Variants in GRM1 observed in about 807,000 individuals in gnomAD.
The protein encoded by GRM1 is metabotropic glutamate receptor 1.
In GRM1, 33 loss-of-function variants were observed where a neutral mutation model predicts 90.9. The observed-to-expected ratio is 0.36, with a 90% CI of 0.28 to 0.49. GRM1 has a LOEUF of 0.49. GRM1 is among the 20% of genes least tolerant of loss of function. The pLI is 0.99. For synonymous variants in GRM1, 700 were observed against 613.2 expected (o/e 1.14, Z -2.09); for missense variants, 1,190 against 1,534.3 (o/e 0.78, Z 3.75).
At chr6:146,410,636 C>T (rs1431700043) in intron 7 of GRM1, among the ~76,000 whole-genome samples, 1 of 151,934 alleles carries the variant, frequency 6.6e-6, no homozygotes, top group Non-Finnish European at 1.5e-5. Flanking sequence ...GGAAGGTCTA[C>T]GAAGCTCTAT....
At chr6:146,407,704 G>A (rs1466779065) in intron 7 of GRM1, among the ~76,000 whole-genome samples, 1 of 152,154 alleles carries the variant, frequency 6.6e-6, no homozygotes, top group Non-Finnish European at 1.5e-5. Context: ...ATTTTTATAA[G>A]AGGAGTAAAT....
At chr6:146,385,764 GA>G (rs1776478650) in intron 5 of GRM1, among the ~76,000 whole-genome samples, 1 of 151,952 alleles carries the variant, frequency 6.6e-6, no homozygotes. Flanking sequence ...TAAATATGTG[GA>G]AGTAAAATGT....
chr6:146,313,108 G>T (rs1294989117), intron 3 of GRM1, among the ~76,000 whole-genome samples: 1 of 152,102 alleles, frequency 6.6e-6, no homozygotes, highest in Non-Finnish European at 1.5e-5. Flanking sequence ...CAGACTTGAG[G>T]TATAAAAATG....
chr6:146,221,248 T>G (rs1234422576), intron 2 of GRM1, among the ~76,000 whole-genome samples: 1 of 152,132 alleles, frequency 6.6e-6, no homozygotes, highest in Non-Finnish European at 1.5e-5. Context: ...ACGTGCAGGT[T>G]TGTAACATAG....
intron 2 of GRM1, among the ~76,000 whole-genome samples, chr6:146,204,903 T>C (rs760605772): frequency 1.3e-5 from 2 of 152,248 alleles, no homozygotes; most frequent in Non-Finnish European, 2.9e-5. Context: ...ATTCATGTAA[T>C]GCTTTAAGAT....
At position 146,070,913 on chromosome 6, in the gene GRM1, G is replaced by T. The variant is rs536559967; in HGVS notation, c.700+40696G>T. Among the ~76,000 whole-genome samples, 6 of 152,198 alleles carry T rather than the reference G, an allele frequency of 3.9e-5. No homozygotes were observed. The East Asian group carries it at 1.2e-3, about 29-fold the overall frequency. On this transcript the variant is annotated intron_variant, in intron 1 of 7. Coordinates refer to ENST00000282753, the MANE Select transcript of GRM1 (RefSeq NM_001278064.2). ...ACACTTCACTGAAACACAATAACTTGTAGTAATTAAAGTACTACAAGGCAG... is the reference window on the plus strand; with the variant it reads ...ACACTTCACTGAAACACAATAACTTTTAGTAATTAAAGTACTACAAGGCAG...
chr6:146,104,539 A>T lies in GRM1; in HGVS notation c.701-54809A>T, dbSNP rs374543668. 9.2e-5 allele frequency among the ~76,000 whole-genome samples: 14 copies of T among 152,296 alleles called. 1 individual carries two copies. Among genetic ancestry groups the T allele is most frequent in the African/African-American group, 3.4e-4 (14 of 41,568 alleles). ...TACCTAAAGAAGACCAATGTTTCAT[A>T]TGGGGGGGCATTAAGGAAGAGCAGC... is the stretch of plus-strand genomic sequence containing the variant. On this transcript the variant is annotated intron_variant, in intron 1 of 7. Coordinates refer to ENST00000282753, the MANE Select transcript of GRM1 (RefSeq NM_001278064.2).
At chr6:146,158,004 T>A (rs531664271) in intron 1 of GRM1, among the ~76,000 whole-genome samples, 1 of 152,320 alleles carries the variant, frequency 6.6e-6, no homozygotes, top group Non-Finnish European at 1.5e-5. Flanking sequence ...AATGAAATAA[T>A]TTATTCCTTC....
At chr6:146,193,296 A>G (rs1778992744) in intron 2 of GRM1, among the ~76,000 whole-genome samples, 1 of 152,174 alleles carries the variant, frequency 6.6e-6, no homozygotes, top group Non-Finnish European at 1.5e-5. Flanking sequence ...ATGTGTCTGG[A>G]TGAGATCATC....
chr6:146,099,948 G>C (rs1776997070), intron 1 of GRM1, among the ~76,000 whole-genome samples: 2 of 152,180 alleles, frequency 1.3e-5, no homozygotes, highest in African/African-American at 2.4e-5. Flanking sequence ...ACACCACACT[G>C]TTTCCAGAGT....
intron 1 of GRM1, among the ~76,000 whole-genome samples, chr6:146,080,706 T>C (rs1430653943): frequency 6.6e-6 from 1 of 151,004 alleles, no homozygotes; most frequent in East Asian, 2.0e-4. Context: ...GTAAAGGGAG[T>C]AGAAAGGGGA....
intron 1 of GRM1, among the ~76,000 whole-genome samples, chr6:146,067,553 TAATA>T (rs1056538184): frequency 1.3e-5 from 2 of 152,150 alleles, no homozygotes; most frequent in Admixed American, 6.5e-5. Flanking sequence ...AGGAAAGAGT[TAATA>T]AATAAATAAC....
chr6:146,419,996 AGG>A, intron 7 of GRM1, among the ~76,000 whole-genome samples: 1 of 152,228 alleles, frequency 6.6e-6, no homozygotes, highest in Non-Finnish European at 1.5e-5. Context: ...TTGGTCACAA[AGG>A]ACTGGGGTGA....
At position 146,304,773 on chromosome 6, in the gene GRM1, C is replaced by T. The variant is rs1435074688; in HGVS notation, c.1113C>T (p.Phe371=). The T allele has an allele frequency of 1.9e-6, 3 of 1,613,934 alleles. No homozygotes were observed. ...TNTRNPWFPE[F]WQHRFQCRLP... is the part of the protein sequence containing the mutation. ...CGAGGAATCCCTGGTTCCCTGAGTT[C>T]TGGCAACATCGGTTCCAGTGCCGCC... The change falls in exon 3 of 8, where the codon TTC becomes TTT. Residue 371 remains phenylalanine (F), a synonymous_variant. Coordinates refer to ENST00000282753, the MANE Select transcript of GRM1 (RefSeq NM_001278064.2).
At chr6:146,168,239 G>T (rs1206137360) in intron 2 of GRM1, among the ~76,000 whole-genome samples, 5 of 151,438 alleles carry the variant, frequency 3.3e-5, no homozygotes, top group Non-Finnish European at 7.4e-5. Flanking sequence ...TCTATTTTTG[G>T]CTTACTAGCT....
chr6:146,310,383 A>T (rs764722503), intron 3 of GRM1, among the ~76,000 whole-genome samples: 3 of 152,222 alleles, frequency 2.0e-5, no homozygotes, highest in Non-Finnish European at 2.9e-5. Flanking sequence ...GTTCCAGTTT[A>T]CTTCAGCCCA....
chr6:146,368,659 A>T (rs1408713219), intron 5 of GRM1, among the ~76,000 whole-genome samples: 1 of 151,838 alleles, frequency 6.6e-6, no homozygotes, highest in Non-Finnish European at 1.5e-5. Flanking sequence ...CATTATGTTG[A>T]TGTGGTATTA....
At chr6:146,372,325 A>G (rs1232399833) in intron 5 of GRM1, among the ~76,000 whole-genome samples, 3 of 151,854 alleles carry the variant, frequency 2.0e-5, no homozygotes, top group South Asian at 2.1e-4. Context: ...TTTTTTTCCT[A>G]TAGAGTTATT....
intron 2 of GRM1, among the ~76,000 whole-genome samples, chr6:146,264,927 A>G (rs1781826087): frequency 6.6e-6 from 1 of 152,056 alleles, no homozygotes; most frequent in African/African-American, 2.4e-5. Flanking sequence ...TTCTTTATTC[A>G]GGTATCACTT....
Sources: allele counts gnomAD v4.1 joint callset (sites outside exome capture counted in the v4.1 genomes callset), GRCh38; gene constraint gnomAD v4.1.1; transcripts MANE v1.5; gene names NCBI Gene and HGNC (gene_info 2026-07-23, HGNC 2026-07-21).